The following CACNA1A variants were observed in gnomAD, a reference collection of about 807,000 sequenced individuals.
CACNA1A encodes the protein calcium voltage-gated channel subunit alpha1 A.
A neutral mutation model predicts 262.4 loss-of-function variants in CACNA1A; 57 were observed. The ratio of observed to expected loss-of-function variants is 0.22; its 90% confidence interval spans 0.18 to 0.27. The LOEUF is 0.27. Among genes scored for constraint, CACNA1A ranks in the 10% least tolerant of loss-of-function variants. The probability of loss-of-function intolerance (pLI) is 1.00; values close to 1 mark genes in which losing one functional copy is unlikely to be tolerated. For missense variants in CACNA1A, 2,526 were observed against 3,562.8 expected, an observed-to-expected ratio of 0.71 and a Z score of 7.41; for synonymous variants, 1,431 against 1,419.3, an observed-to-expected ratio of 1.01 and a Z score of -0.18.
Position 13,430,751 on chromosome 19 carries a change from T to C in CACNA1A, c.539+22125A>G, listed in dbSNP as rs140289823. 4.4e-3 allele frequency among the ~76,000 whole-genome samples: 668 copies of C among 152,176 alleles called. 5 individuals carry two copies. Among genetic ancestry groups the C allele is most frequent in the African/African-American group, 0.015 (636 of 41,514 alleles). ...TCTAGTGGGGGCAGGGGATTGGCAA[T>C]AACCAATAAACAAGTAAATATAGCT... On this transcript the variant is annotated intron_variant, in intron 3 of 46. Transcript: ENST00000360228.
chr19:13,338,389 G>T (rs2058614746), intron 6 of CACNA1A, among the ~76,000 whole-genome samples: 1 of 152,116 alleles, frequency 6.6e-6, no homozygotes. Flanking sequence ...GTAATTCTTG[G>T]ATAGTTACTG....
chr19:13,473,669 G>C (rs1978297152), intron 1 of CACNA1A, among the ~76,000 whole-genome samples: 1 of 151,984 alleles, frequency 6.6e-6, no homozygotes, highest in Non-Finnish European at 1.5e-5. Flanking sequence ...GTTCCAGGAG[G>C]GCCAGGAGGA....
At chr19:13,395,590 C>G (rs1215511122) in intron 3 of CACNA1A, among the ~76,000 whole-genome samples, 1 of 144,238 alleles carries the variant, frequency 6.9e-6, no homozygotes, top group African/African-American at 2.6e-5. Flanking sequence ...CTAGCCTGGG[C>G]AACAGAATCA....
intron 31 of CACNA1A, among the ~76,000 whole-genome samples, chr19:13,240,725 GAC>G (rs2056053631): frequency 7.1e-6 from 1 of 140,008 alleles, no homozygotes; most frequent in African/African-American, 2.7e-5. Context: ...TGTGTGCAGT[GAC>G]TGCAGTGACT....
rs763139406 is a variant in CACNA1A at position 13,212,758 on chromosome 19, G to A, written c.5941-18C>T. ...GTCCGGTCCTGGGGAATGGGGCAGAGAGCAGTGTGTGGACAAGGGTGGGGT... is the reference window on the plus strand; with the variant it reads ...GTCCGGTCCTGGGGAATGGGGCAGAAAGCAGTGTGTGGACAAGGGTGGGGT... On this transcript the variant is annotated intron_variant, in intron 40 of 46. Transcript: ENST00000360228. The surrounding 1 kb of genome is among the most constrained non-coding windows in gnomAD (Gnocchi z 5.6). 3 of 1,426,808 alleles carry A rather than the reference G, an allele frequency of 2.1e-6. No individual in the cohort carries two copies. Among genetic ancestry groups the A allele is most frequent in the African/African-American group, 2.9e-5 (2 of 69,998 alleles). The allele number at this position is 1,426,808 out of a possible 1,614,324, so 88.4% of individuals were successfully genotyped here.
chr19:13,245,314 C>G, intron 30 of CACNA1A, 49 bp from the exon 31 acceptor site: 2 of 1,510,462 alleles, frequency 1.3e-6, no homozygotes, highest in Non-Finnish European at 1.8e-6. Flanking sequence ...GGCTTGGTTC[C>G]CGGCCCCCTA....
intron 24 of CACNA1A, among the ~76,000 whole-genome samples, chr19:13,265,059 G>A (rs2056829741): frequency 6.6e-6 from 1 of 151,996 alleles, no homozygotes; most frequent in Non-Finnish European, 1.5e-5. Context: ...ATTTTCAGTA[G>A]AGACAGGGTT....
chr19:13,286,543 G>C lies in CACNA1A; in HGVS notation c.3513C>G (p.Pro1171=). 6.5e-7 allele frequency: 1 copy of C among 1,534,816 alleles called. No individual in the cohort carries two copies. Among genetic ancestry groups the C allele is most frequent in the South Asian group, 1.3e-5 (1 of 76,956 alleles). The change falls in exon 20 of 47, where the codon CCC becomes CCG. Residue 1171 remains proline (P), a synonymous_variant. Coordinates refer to ENST00000360228, the MANE Select transcript of CACNA1A (RefSeq NM_001127222.2). ...RKPDHTTVDI[P]PACPPPLNHT... Reference sequence around the variant, plus strand: ...GGTTGAGGGGGGGTGGGCAGGCTGGGGGGATGTCCACTGTGGTGTGGTCGG... The same window carrying C: ...GGTTGAGGGGGGGTGGGCAGGCTGGCGGGATGTCCACTGTGGTGTGGTCGG...
chr19:13,414,029 G>A (rs190618145), intron 3 of CACNA1A, among the ~76,000 whole-genome samples: 95 of 152,110 alleles, frequency 6.2e-4, no homozygotes, highest in Admixed American at 2.6e-3. Flanking sequence ...GCAGATAGAA[G>A]CCTGGGCAAC....
At position 13,448,702 on chromosome 19, in the gene CACNA1A, C is replaced by A. The variant is rs560806401; in HGVS notation, c.539+4174G>T. Among the ~76,000 whole-genome samples, 15 of 152,236 alleles carry A rather than the reference C, an allele frequency of 9.9e-5. No individual in the cohort carries two copies. The East Asian group carries it at 2.9e-3, about 29-fold the overall frequency. On this transcript the variant is annotated intron_variant, in intron 3 of 46. Coordinates refer to ENST00000360228, the MANE Select transcript of CACNA1A (RefSeq NM_001127222.2). ...CAGCAGTTCCACTCCTGGGTACGTG[C>A]CCTAGAGAAACTCACTTGGGAGAAA...
At chr19:13,322,202 G>GAAAAAAA (rs368879293) in intron 10 of CACNA1A, among the ~76,000 whole-genome samples, 4 of 90,072 alleles carry the variant, frequency 4.4e-5, no homozygotes, top group Non-Finnish European at 4.7e-5. Flanking sequence ...ACTTGTCTCA[G>GAAAAAAA]AAAAAAAAAA....
At chr19:13,245,332 C>A in intron 30 of CACNA1A, 67 bp from the exon 31 acceptor site, 1 of 1,327,498 alleles carries the variant, frequency 7.5e-7, no homozygotes, top group African/African-American at 1.4e-5. Flanking sequence ...CTAGGCTGGC[C>A]GGGTGCATGT....
At chr19:13,345,162 C>T (rs537036080) in intron 6 of CACNA1A, among the ~76,000 whole-genome samples, 4 of 152,110 alleles carry the variant, frequency 2.6e-5, no homozygotes, top group African/African-American at 4.8e-5. Context: ...GAATTATGGT[C>T]GCATTAGCCA....
intron 3 of CACNA1A, among the ~76,000 whole-genome samples, chr19:13,446,405 C>A (rs1253964695): frequency 6.6e-6 from 1 of 151,044 alleles, no homozygotes; most frequent in East Asian, 1.9e-4. Flanking sequence ...GCTAGGTCTG[C>A]ATGATGTGTG....
At position 13,207,334 on chromosome 19, in the gene CACNA1A, C is replaced by G. The variant is rs2054603385; in HGVS notation, c.7500G>C (p.Glu2500Asp). Residue 2500 changes from glutamate (E) to aspartate (D), a missense_variant, in exon 47 of 47, where the codon GAG becomes GAC. Glu to Asp is a conservative substitution (Grantham distance 45). Around this residue, in one of 17 missense-constraint regions of CACNA1A, gnomAD observed 929 missense variants for 868.1 expected, o/e 1.07. Transcript: ENST00000360228. The surrounding 1 kb of genome is among the most constrained non-coding windows in gnomAD (Gnocchi z 5.7). Reference sequence around the variant, plus strand: ...GGGCTTAGCACCAATCATCGTCACTCTCGCTGTAGGGTTCGTGCAGGCCCT... The same window carrying G: ...GGGCTTAGCACCAATCATCGTCACTGTCGCTGTAGGGTTCGTGCAGGCCCT... Reference protein sequence around the residue: ...SRKGLHEPYSESDDDWC With the variant: ...SRKGLHEPYSDSDDDWC The G allele has an allele frequency of 1.3e-6, 2 of 1,561,748 alleles. No individual in the cohort carries two copies. Among genetic ancestry groups the G allele is most frequent in the South Asian group, 2.3e-5 (2 of 86,960 alleles).
chr19:13,405,343 C>G (rs1266917347), intron 3 of CACNA1A, among the ~76,000 whole-genome samples: 1 of 152,156 alleles, frequency 6.6e-6, no homozygotes, highest in East Asian at 1.9e-4. Flanking sequence ...CAGGTATGCA[C>G]CACCATACCT....
chr19:13,294,515 CAG>C (rs1386030698), intron 19 of CACNA1A, among the ~76,000 whole-genome samples: 2 of 72,132 alleles, frequency 2.8e-5, no homozygotes, highest in African/African-American at 1.3e-4. Context: ...TTTTTTGAGA[CAG>C]AGTCTTGTTC....
chr19:13,372,105 G>A (rs1259276251), intron 3 of CACNA1A, among the ~76,000 whole-genome samples: 1 of 152,166 alleles, frequency 6.6e-6, no homozygotes, highest in Non-Finnish European at 1.5e-5. Context: ...AGATTGTGGG[G>A]TGGCCTGGGG....
chr19:13,390,977 C>T (rs1185758758), intron 3 of CACNA1A, among the ~76,000 whole-genome samples: 1 of 152,138 alleles, frequency 6.6e-6, no homozygotes, highest in Non-Finnish European at 1.5e-5. Flanking sequence ...ACCTCCACCT[C>T]CCTGGTTCAA....
Sources: gnomAD v4.1 joint callset for allele counts (sites outside exome capture counted in the v4.1 genomes callset) on GRCh38, gnomAD v4.1.1 for gene constraint, gnomAD v4.1.1 regional missense constraint, Gnocchi (gnomAD v3.1) non-coding constraint, MANE v1.5 for transcripts, NCBI Gene and HGNC (gene_info 2026-07-23, HGNC 2026-07-21) for gene names.